Variants in ARMC7 observed in about 807,000 individuals in gnomAD.
The protein encoded by ARMC7 is armadillo repeat-containing protein 7.
Under a neutral mutation model 14.8 loss-of-function variants are expected in ARMC7, and 9 were observed. The observed-to-expected ratio is 0.61, with a 90% CI of 0.37 to 1.06. The LOEUF (loss-of-function observed/expected upper bound fraction) is 1.06, where lower values mean the gene tolerates loss of function less well. ARMC7 is among the 50% of genes least tolerant of loss of function. ARMC7 has a pLI of 0.01. For synonymous variants in ARMC7, 125 were observed against 123.4 expected (o/e 1.01, Z -0.09); for missense variants, 262 against 267.1 (o/e 0.98, Z 0.13).
chr17:75,123,708 C>A (rs1043324851), intron 2 of ARMC7, among the ~76,000 whole-genome samples: 1 of 152,004 alleles, frequency 6.6e-6, no homozygotes, highest in African/African-American at 2.4e-5. Flanking sequence ...GTTAGGAGTT[C>A]GAGATTAGCC....
At chr17:75,117,248 TG>T (rs1854630819) in intron 2 of ARMC7, among the ~76,000 whole-genome samples, 1 of 152,134 alleles carries the variant, frequency 6.6e-6, no homozygotes, top group Non-Finnish European at 1.5e-5. Context: ...AGCTAATTTT[TG>T]TATGTTTAGT....
In ARMC7 at chr17:75,129,339, G is replaced by A. The variant is rs1310737042; in HGVS notation, c.*301G>A. On this transcript the variant is annotated 3_prime_UTR_variant, in exon 3 of 3. Transcript: ENST00000245543. ...TGGTGTAAGAAGCGGCCAAGTGCCT[G>A]GACCCAGAGGCTTTGCAGGACAGTG... The A allele has an allele frequency of 4.2e-6, 2 of 471,700 alleles. No individual in the cohort carries two copies. The highest frequency in any genetic ancestry group is 3.9e-5 in the African/African-American group (2 of 51,324). 29.2% of individuals were successfully genotyped at this position (471,700 alleles called of 1,614,324 possible).
At chr17:75,114,717 C>T (rs1341714758) in intron 2 of ARMC7, 6 of 398,362 alleles carry the variant, frequency 1.5e-5, no homozygotes, top group African/African-American at 1.0e-4. Flanking sequence ...TCTCTTCCTT[C>T]TTCTGCCACA....
rs1369105560 is a variant in ARMC7, at chr17:75,110,596, G to T, written c.225G>T (p.Glu75Asp). The T allele has an allele frequency of 6.2e-7, 1 of 1,614,264 alleles. No individual in the cohort carries two copies. Among genetic ancestry groups the T allele is most frequent in the Non-Finnish European group, 8.5e-7 (1 of 1,180,044 alleles). Reference sequence around the variant, plus strand: ...CGGAGGAGAATGAGACCCTGGTGGAGTTTGCTATTGGTAAGGGCGGGGCCC... The same window carrying T: ...CGGAGGAGAATGAGACCCTGGTGGATTTTGCTATTGGTAAGGGCGGGGCCC... The part of the protein sequence containing the change: ...SLSEENETLV[E>D]FAIGGLCNLC... The change falls in exon 2 of 3, where the codon GAG becomes GAT. Residue 75 changes from glutamate to aspartate, a missense_variant. Transcript: ENST00000245543.
chr17:75,111,936 A>T (rs1037444653), intron 2 of ARMC7, among the ~76,000 whole-genome samples: 1 of 151,398 alleles, frequency 6.6e-6, no homozygotes, highest in African/African-American at 2.5e-5. Flanking sequence ...GCTTAGGGAA[A>T]GGTCTTTGCC....
At chr17:75,114,318 C>A (rs1406928796) in intron 2 of ARMC7, 1 of 399,976 alleles carries the variant, frequency 2.5e-6, no homozygotes, top group African/African-American at 2.1e-5. Flanking sequence ...AAGTGTTTAC[C>A]AAGTGGAGTC....
chr17:75,119,356 T>C (rs751270706), intron 2 of ARMC7, among the ~76,000 whole-genome samples: 25 of 151,822 alleles, frequency 1.6e-4, no homozygotes, highest in South Asian at 6.3e-4. Flanking sequence ...GACACAAAAG[T>C]GTAATAAGGA....
rs2074085561 is a variant in ARMC7, at chr17:75,129,600, AC to A, written c.*564del. 1 of 152,920 alleles carries A rather than the reference AC, an allele frequency of 6.5e-6. No individual in the cohort carries two copies. Among genetic ancestry groups the A allele is most frequent in the Non-Finnish European group, 1.5e-5 (1 of 68,838 alleles). 9.5% of individuals were successfully genotyped at this position (152,920 alleles called of 1,614,324 possible). A position where few individuals can be genotyped will look rare whatever the true frequency, so the allele number is the denominator to read the frequency against. On this transcript the variant is annotated 3_prime_UTR_variant, in exon 3 of 3. Transcript: ENST00000245543. ...GGCCTGGTGGATGCCAACCTGGATA[AC>A]CTGTGGCCCAGCATTGACTGTCCAC... is the stretch of plus-strand genomic sequence containing the variant.
intron 2 of ARMC7, among the ~76,000 whole-genome samples, chr17:75,126,911 A>C (rs1392400267): frequency 6.6e-6 from 1 of 151,946 alleles, no homozygotes; most frequent in African/African-American, 2.4e-5. Flanking sequence ...AAATACAAAA[A>C]TTTAGCCGGG....
intron 2 of ARMC7, among the ~76,000 whole-genome samples, chr17:75,115,506 C>G (rs768404481): frequency 6.6e-5 from 10 of 151,802 alleles, no homozygotes; most frequent in Non-Finnish European, 1.2e-4. Context: ...CCACTGCACT[C>G]CAGCCTGGGT....
chr17:75,119,422 C>G (rs1027699424), intron 2 of ARMC7, among the ~76,000 whole-genome samples: 2 of 148,902 alleles, frequency 1.3e-5, no homozygotes, highest in Non-Finnish European at 3.0e-5. Context: ...GGTGGTGAGA[C>G]TTCTGAAAAT....
intron 2 of ARMC7, among the ~76,000 whole-genome samples, chr17:75,117,975 G>C (rs1456077321): frequency 6.6e-6 from 1 of 152,044 alleles, no homozygotes; most frequent in African/African-American, 2.4e-5. Context: ...ACAAAATCTA[G>C]CTGGGTGTGG....
rs916713658 is a variant in ARMC7, at chr17:75,129,278, C to A, written c.*240C>A. On this transcript the variant is annotated 3_prime_UTR_variant, in exon 3 of 3. Transcript: ENST00000245543. ...GCGTTCATAGGCTGGCACTCTCAAT[C>A]CTACATCAGGTGCCACCACCACCAG... 10 of 590,646 alleles carry A rather than the reference C, an allele frequency of 1.7e-5. No homozygotes were observed. The highest frequency in any genetic ancestry group is 2.9e-5 in the Non-Finnish European group (10 of 347,830). The allele number at this position is 590,646 out of a possible 1,614,324, so 36.6% of individuals were successfully genotyped here.
intron 2 of ARMC7, among the ~76,000 whole-genome samples, chr17:75,115,626 G>A (rs1038668235): frequency 1.3e-5 from 2 of 152,132 alleles, no homozygotes; most frequent in Non-Finnish European, 2.9e-5. Flanking sequence ...GGAGGCTGAA[G>A]CAAGAGGATT....
chr17:75,118,914 T>C (rs879518699), intron 2 of ARMC7, among the ~76,000 whole-genome samples: 1 of 152,216 alleles, frequency 6.6e-6, no homozygotes, highest in Non-Finnish European at 1.5e-5. Context: ...GCTCCCGCTG[T>C]TAGTGATAAC....
intron 2 of ARMC7, among the ~76,000 whole-genome samples, chr17:75,124,938 G>A (rs967486827): frequency 3.3e-5 from 5 of 152,204 alleles, no homozygotes; most frequent in Non-Finnish European, 5.9e-5. Flanking sequence ...ACAGAGCAAG[G>A]ACAAAAGGCA....
intron 2 of ARMC7, among the ~76,000 whole-genome samples, chr17:75,113,145 C>G (rs1313177119): frequency 6.6e-6 from 1 of 151,272 alleles, no homozygotes; most frequent in Non-Finnish European, 1.5e-5. Flanking sequence ...CCTGCTTCAG[C>G]CTCCCGGGTA....
Position 75,129,061 on chromosome 17 carries a change from G to C in ARMC7, c.*23G>C. The C allele has an allele frequency of 6.3e-7, 1 of 1,576,144 alleles. No individual in the cohort carries two copies. Among genetic ancestry groups the C allele is most frequent in the Non-Finnish European group, 8.6e-7 (1 of 1,166,526 alleles). On this transcript the variant is annotated 3_prime_UTR_variant, in exon 3 of 3. Transcript: ENST00000245543. The stretch of plus-strand genomic sequence containing the variant: ...TGATCCATGGAGACTGCGAGACCGT[G>C]GCACCCCTACTGCTGGAGACCACAG...
chr17:75,117,737 T>C (rs903575917), intron 2 of ARMC7, among the ~76,000 whole-genome samples: 1 of 152,218 alleles, frequency 6.6e-6, no homozygotes, highest in African/African-American at 2.4e-5. Context: ...AGTGTAGTTT[T>C]CAGTTCCCCT....
Sources: gnomAD v4.1 joint callset for allele counts (sites outside exome capture counted in the v4.1 genomes callset) on GRCh38, gnomAD v4.1.1 for gene constraint, MANE v1.5 for transcripts, NCBI Gene and HGNC (gene_info 2026-07-23, HGNC 2026-07-21) for gene names.